Variants in EPN2 observed in about 807,000 individuals in gnomAD.
EPN2 encodes the protein epsin-2.
In EPN2, 34 loss-of-function variants were observed where a neutral mutation model predicts 61.7. That is an observed-to-expected ratio of 0.55 (90% confidence interval 0.42 to 0.73). The LOEUF (loss-of-function observed/expected upper bound fraction) is 0.73, where lower values mean the gene tolerates loss of function less well. Among genes scored for constraint, EPN2 ranks in the 30% least tolerant of loss-of-function variants. The probability of loss-of-function intolerance (pLI) is 0.00; values close to 1 mark genes in which losing one functional copy is unlikely to be tolerated. For synonymous variants in EPN2, 349 were observed against 353.6 expected, an observed-to-expected ratio of 0.99 and a Z score of 0.15; for missense variants, 714 against 839.2, an observed-to-expected ratio of 0.85 and a Z score of 1.84.
chr17:19,282,735 A>G (rs559876567), intron 2 of EPN2: 88 of 164,512 alleles, frequency 5.3e-4, no homozygotes, highest in African/African-American at 2.0e-3. Context: ...AGCAATAGTC[A>G]TGATGTTTAC....
At chr17:19,318,358 G>A (rs1305114786) in intron 7 of EPN2, among the ~76,000 whole-genome samples, 2 of 151,674 alleles carry the variant, frequency 1.3e-5, no homozygotes, top group Non-Finnish European at 2.9e-5. Context: ...GACCATCCTT[G>A]GCCAACATGG....
In EPN2 at chr17:19,335,287, A is replaced by C. The variant is rs1281717087; in HGVS notation, c.*1033A>C. 9.5e-7 allele frequency: 1 copy of C among 1,057,464 alleles called. No homozygotes were observed. Among genetic ancestry groups the C allele is most frequent in the African/African-American group, 1.6e-5 (1 of 62,756 alleles). The allele number at this position is 1,057,464 out of a possible 1,614,324, so 65.5% of individuals were successfully genotyped here. On this transcript the variant is annotated 3_prime_UTR_variant, in exon 11 of 11. Transcript: ENST00000314728. The stretch of plus-strand genomic sequence containing the variant: ...ATTGACTTTCAGCCTTTTTGGCTAG[A>C]TCCTGAGAGGCTATTTTTCTTACGA...
At chr17:19,237,593 C>G (rs1362184301) in intron 1 of EPN2, 62 bp downstream of exon 1, 1 of 152,410 alleles carries the variant, frequency 6.6e-6, no homozygotes, top group Admixed American at 6.5e-5. Context: ...GACCCTCCCC[C>G]TCTCCAGGGC....
intron 1 of EPN2, among the ~76,000 whole-genome samples, chr17:19,263,317 G>T (rs2045163312): frequency 6.6e-6 from 1 of 150,876 alleles, no homozygotes; most frequent in Non-Finnish European, 1.5e-5. Flanking sequence ...GAGAAGAGAA[G>T]TGGGGCCCAT....
intron 1 of EPN2, among the ~76,000 whole-genome samples, chr17:19,240,763 TGTATCTGGG>T (rs2044875946): frequency 6.6e-6 from 1 of 152,212 alleles, no homozygotes; most frequent in African/African-American, 2.4e-5. Flanking sequence ...ACATTGTCCG[TGTATCTGGG>T]GCTCTTGTGA....
intron 1 of EPN2, among the ~76,000 whole-genome samples, chr17:19,267,095 T>A (rs2045207387): frequency 6.6e-6 from 1 of 151,002 alleles, no homozygotes; most frequent in Non-Finnish European, 1.5e-5. Flanking sequence ...TGCCTCGGCC[T>A]CCCAAAGTGC....
chr17:19,279,469 C>G (rs1404521433), intron 1 of EPN2, among the ~76,000 whole-genome samples: 3 of 151,296 alleles, frequency 2.0e-5, no homozygotes, highest in South Asian at 4.2e-4. Context: ...GACAGAGTCT[C>G]ACTGTGTCAC....
At chr17:19,246,616 A>G (rs2044952062) in intron 1 of EPN2, among the ~76,000 whole-genome samples, 1 of 151,994 alleles carries the variant, frequency 6.6e-6, no homozygotes, top group South Asian at 2.1e-4. Context: ...TGAACTCTTT[A>G]AGACTCTGAG....
At chr17:19,267,135 G>A (rs1446238817) in intron 1 of EPN2, among the ~76,000 whole-genome samples, 3 of 151,744 alleles carry the variant, frequency 2.0e-5, no homozygotes, top group African/African-American at 7.3e-5. Context: ...CACTGCGCCC[G>A]GCCTAAATGT....
At chr17:19,274,820 T>C (rs1035416011) in intron 1 of EPN2, among the ~76,000 whole-genome samples, 2 of 152,162 alleles carry the variant, frequency 1.3e-5, no homozygotes, top group African/African-American at 4.8e-5. Flanking sequence ...GAGCACATTT[T>C]TATGGAATAC....
chr17:19,331,655 G>A (rs1454448181), intron 9 of EPN2, among the ~76,000 whole-genome samples, 198 bp from the exon 10 acceptor site: 1 of 152,118 alleles, frequency 6.6e-6, no homozygotes, highest in African/African-American at 2.4e-5. Context: ...CTTATCATTA[G>A]GTATTCTTCT....
At chr17:19,314,463 G>A (rs1398666337) in intron 7 of EPN2, among the ~76,000 whole-genome samples, 1 of 152,164 alleles carries the variant, frequency 6.6e-6, no homozygotes, top group African/African-American at 2.4e-5. Flanking sequence ...TGGAGTGGGT[G>A]CAGATGCAAC....
In EPN2 at chr17:19,282,956, G is replaced by A. The variant is rs1183338649; in HGVS notation, c.-164G>A. 1.7e-6 allele frequency: 1 copy of A among 603,416 alleles called. No individual in the cohort carries two copies. The highest frequency in any genetic ancestry group is 2.9e-6 in the Non-Finnish European group (1 of 344,926). 37.4% of individuals were successfully genotyped at this position (603,416 alleles called of 1,614,324 possible). ...GGGTTTTCTCTTTCTCTAGGTCATG[G>A]CTTCCAGCTTTTCGAATCTGAGGCT... is the stretch of plus-strand genomic sequence containing the variant. On this transcript the variant is annotated 5_prime_UTR_variant, in exon 3 of 11. Coordinates refer to ENST00000314728, the MANE Select transcript of EPN2 (RefSeq NM_014964.5).
chr17:19,268,636 A>C (rs940223073), intron 1 of EPN2, among the ~76,000 whole-genome samples: 1 of 152,188 alleles, frequency 6.6e-6, no homozygotes. Context: ...CTAGGAACAG[A>C]CTCTAGAAAA....
intron 1 of EPN2, among the ~76,000 whole-genome samples, chr17:19,239,367 G>A (rs1346306462): frequency 6.6e-6 from 1 of 152,192 alleles, no homozygotes; most frequent in Non-Finnish European, 1.5e-5. Context: ...GGCCAGGCTG[G>A]TCTCGAACTC....
At position 19,329,553 on chromosome 17, in the gene EPN2, C is replaced by G. The variant is rs1363059626; in HGVS notation, c.1325-8C>G. The G allele has an allele frequency of 6.3e-7, 1 of 1,594,634 alleles. No individual in the cohort carries two copies. Among genetic ancestry groups the G allele is most frequent in the Non-Finnish European group, 8.6e-7 (1 of 1,163,168 alleles). On this transcript the variant is annotated splice_region_variant and splice_polypyrimidine_tract_variant and intron_variant, in intron 8 of 10. Transcript: ENST00000314728. The stretch of plus-strand genomic sequence containing the variant: ...TGCCCCCAGTCATTGGCTTCTGTGT[C>G]CACCCAGGGTCCTTTGAGCTCTTCA...
intron 7 of EPN2, among the ~76,000 whole-genome samples, chr17:19,322,158 T>C (rs1906667623): frequency 6.6e-6 from 1 of 152,170 alleles, no homozygotes; most frequent in African/African-American, 2.4e-5. Flanking sequence ...AGCTTCTGGA[T>C]GGAAACAGTT....
intron 7 of EPN2, among the ~76,000 whole-genome samples, chr17:19,317,710 A>G (rs1347884675): frequency 6.6e-6 from 1 of 152,174 alleles, no homozygotes. Flanking sequence ...TTCAACAAGC[A>G]TTTATTGATT....
At chr17:19,280,017 T>G (rs1415577575) in intron 1 of EPN2, 1 of 152,150 alleles carries the variant, frequency 6.6e-6, no homozygotes, top group Non-Finnish European at 1.5e-5. Context: ...TTTTGTATTT[T>G]TAGTAGAGAC....
Sources: gnomAD v4.1 joint callset for allele counts (sites outside exome capture counted in the v4.1 genomes callset) on GRCh38, gnomAD v4.1.1 for gene constraint, MANE v1.5 for transcripts, NCBI Gene and HGNC (gene_info 2026-07-23, HGNC 2026-07-21) for gene names.